GALNT2: variants seen among roughly 807,000 people sequenced by gnomAD.
The protein encoded by GALNT2 is UDP-GalNAc:polypeptide N-acetylgalactosaminyltransferase 2.
A neutral mutation model predicts 81.4 loss-of-function variants in GALNT2; 31 were observed. The ratio of observed to expected loss-of-function variants is 0.38; its 90% CI spans 0.29 to 0.51. The LOEUF (loss-of-function observed/expected upper bound fraction) is 0.51. Ranked by LOEUF, GALNT2 falls within the 20% of genes least tolerant of loss-of-function variation. GALNT2 has a pLI of 0.87. For synonymous variants in GALNT2, 303 were observed against 287.4 expected (o/e 1.05, Z -0.55); for missense variants, 629 against 765.7 (o/e 0.82, Z 2.11).
At chr1:230,276,282 T>G (rs527893320) in intron 15 of GALNT2, among the ~76,000 whole-genome samples, 1 of 152,226 alleles carries the variant, frequency 6.6e-6, no homozygotes, top group East Asian at 1.9e-4. Context: ...GGACACACCC[T>G]TTCTCAAGGC....
At chr1:230,272,979 C>T (rs1179714783) in intron 14 of GALNT2, among the ~76,000 whole-genome samples, 1 of 152,096 alleles carries the variant, frequency 6.6e-6, no homozygotes, top group Non-Finnish European at 1.5e-5. Flanking sequence ...GCTATGTTGC[C>T]TAGGCTGATC....
intron 1 of GALNT2, among the ~76,000 whole-genome samples, chr1:230,169,223 C>T (rs753857287): frequency 7.2e-5 from 11 of 152,122 alleles, no homozygotes; most frequent in Non-Finnish European, 1.6e-4. Flanking sequence ...AGGCTGGACC[C>T]CCAGATTGGA....
intron 2 of GALNT2, among the ~76,000 whole-genome samples, chr1:230,180,328 G>A (rs1663120087): frequency 1.0e-5 from 1 of 99,444 alleles, no homozygotes; most frequent in Non-Finnish European, 1.8e-5. Flanking sequence ...TTTTTGGCAT[G>A]TGAGTGTCCA....
chr1:230,264,611 G>A (rs1210379963), intron 13 of GALNT2: 1 of 152,258 alleles, frequency 6.6e-6, no homozygotes, highest in Non-Finnish European at 1.5e-5. Flanking sequence ...CCAGGCACTG[G>A]GCCGTGTGCT....
intron 1 of GALNT2, among the ~76,000 whole-genome samples, chr1:230,091,354 G>A (rs2038395): frequency 0.65 from 98,674 of 151,714 alleles, 33,369 homozygotes; most frequent in African/African-American, 0.84. Flanking sequence ...GATTACAGGT[G>A]TGAGCCATTG....
chr1:230,145,520 A>G (rs2102829233), intron 1 of GALNT2, among the ~76,000 whole-genome samples: 1 of 152,392 alleles, frequency 6.6e-6, no homozygotes, highest in African/African-American at 2.4e-5. Context: ...TAATAAATAC[A>G]GACTTTTAGA....
chr1:230,242,455 A>C (rs1462158824), intron 6 of GALNT2, among the ~76,000 whole-genome samples: 1 of 152,228 alleles, frequency 6.6e-6, no homozygotes, highest in Admixed American at 6.5e-5. Flanking sequence ...TCATCTTCAC[A>C]TAGAAAGCCC....
At chr1:230,110,604 A>G (rs1220706787) in intron 1 of GALNT2, among the ~76,000 whole-genome samples, 1 of 152,134 alleles carries the variant, frequency 6.6e-6, no homozygotes, top group Non-Finnish European at 1.5e-5. Context: ...GCATACAGTG[A>G]TAATGCAGAA....
chr1:230,090,639 G>A (rs7513659), intron 1 of GALNT2, among the ~76,000 whole-genome samples: 12,677 of 152,270 alleles, frequency 0.083, 743 homozygotes, highest in African/African-American at 0.18. Flanking sequence ...TTAGGAATGT[G>A]GTAAGTTGAT....
intron 1 of GALNT2, among the ~76,000 whole-genome samples, chr1:230,162,983 C>G (rs778279445): frequency 1.8e-4 from 28 of 152,310 alleles, no homozygotes; most frequent in Non-Finnish European, 3.4e-4. Flanking sequence ...CACATTAAAT[C>G]AATGTGTATG....
chr1:230,226,932 A>G (rs118072988), intron 3 of GALNT2, among the ~76,000 whole-genome samples: 2 of 152,240 alleles, frequency 1.3e-5, no homozygotes, highest in Non-Finnish European at 2.9e-5. Flanking sequence ...TAAAAGAAGA[A>G]ATTAATGAAC....
chr1:230,210,194 C>G (rs1362916557), intron 3 of GALNT2, among the ~76,000 whole-genome samples: 1 of 152,102 alleles, frequency 6.6e-6, no homozygotes, highest in Non-Finnish European at 1.5e-5. Context: ...GTAGAGGAAC[C>G]CAGGAAGTTT....
chr1:230,177,249 A>G (rs1008234124), intron 1 of GALNT2, among the ~76,000 whole-genome samples: 2 of 152,272 alleles, frequency 1.3e-5, no homozygotes, highest in Non-Finnish European at 2.9e-5. Context: ...CGTGCAGCAC[A>G]CAGTCCGCAC....
At chr1:230,207,851 G>T (rs1260576581) in intron 3 of GALNT2, among the ~76,000 whole-genome samples, 1 of 152,194 alleles carries the variant, frequency 6.6e-6, no homozygotes, top group African/African-American at 2.4e-5. Flanking sequence ...AAAATGCTGA[G>T]ATAGTAAGTG....
intron 11 of GALNT2, 36 bp from the exon 12 acceptor site, chr1:230,262,537 A>C (rs1264589553): frequency 6.4e-7 from 1 of 1,567,014 alleles, no homozygotes; most frequent in Non-Finnish European, 8.8e-7. Flanking sequence ...GACAGAAAGA[A>C]AGGAAATCAC....
chr1:230,136,785 T>C (rs559569476), intron 1 of GALNT2, among the ~76,000 whole-genome samples: 4 of 152,206 alleles, frequency 2.6e-5, no homozygotes, highest in Non-Finnish European at 5.9e-5. Flanking sequence ...TTGCTGCTAG[T>C]GCCATTGTAC....
At chr1:230,180,703 A>C (rs1352624439) in intron 2 of GALNT2, among the ~76,000 whole-genome samples, 1 of 152,168 alleles carries the variant, frequency 6.6e-6, no homozygotes, top group Non-Finnish European at 1.5e-5. Flanking sequence ...TCAAGTTGAG[A>C]TTAACTGACA....
At chr1:230,115,544 A>G (rs1660820114) in intron 1 of GALNT2, among the ~76,000 whole-genome samples, 2 of 152,180 alleles carry the variant, frequency 1.3e-5, no homozygotes, top group African/African-American at 4.8e-5. Context: ...AATGCTAAGG[A>G]TCATCTGAGT....
At chr1:230,204,277 T>C (rs530474228) in intron 3 of GALNT2, among the ~76,000 whole-genome samples, 34 of 152,198 alleles carry the variant, frequency 2.2e-4, no homozygotes, top group African/African-American at 7.5e-4. Flanking sequence ...TTCAAGCAAT[T>C]TGTGGCTCAG....
Sources: allele counts gnomAD v4.1 joint callset (sites outside exome capture counted in the v4.1 genomes callset), GRCh38; gene constraint gnomAD v4.1.1; transcripts MANE v1.5; gene names NCBI Gene and HGNC (gene_info 2026-07-23, HGNC 2026-07-21).